Variants in PICALM observed in about 807,000 individuals in gnomAD.
PICALM encodes phosphatidylinositol binding clathrin assembly protein, also known as phosphatidylinositol-binding clathrin assembly protein.
PICALM carries 40 observed loss-of-function variants against 80.5 expected under a neutral mutation model. That is an observed-to-expected ratio of 0.50 (90% CI 0.39 to 0.65). The LOEUF (loss-of-function observed/expected upper bound fraction) is 0.65. Ranked by LOEUF, PICALM falls within the 30% of genes least tolerant of loss-of-function variation. PICALM has a pLI of 0.00. For missense variants in PICALM, 676 were observed against 778.9 expected (o/e 0.87, Z 1.57); for synonymous variants, 288 against 260.3 (o/e 1.11, Z -1.02).
At chr11:86,045,546 G>C (rs1258893320) in intron 1 of PICALM, among the ~76,000 whole-genome samples, 2 of 59,702 alleles carry the variant, frequency 3.3e-5, no homozygotes, top group Admixed American at 1.6e-4. Flanking sequence ...AAAAAAAAAA[G>C]ACTCCATATA....
chr11:86,069,227 G>A (rs956017838), upstream of PICALM: 15 of 182,358 alleles, frequency 8.2e-5, no homozygotes, highest in East Asian at 1.3e-3. Context: ...GGAAGAGCTG[G>A]GCGGCGCCCG....
At chr11:85,984,852 G>C (rs1457660934) in intron 13 of PICALM, among the ~76,000 whole-genome samples, 1 of 152,010 alleles carries the variant, frequency 6.6e-6, no homozygotes, top group Non-Finnish European at 1.5e-5. Flanking sequence ...AATGTCTAGG[G>C]GCTGAAAAGA....
intron 11 of PICALM, among the ~76,000 whole-genome samples, chr11:85,998,857 C>G (rs2095058524): frequency 1.3e-5 from 2 of 152,304 alleles, no homozygotes; most frequent in South Asian, 4.1e-4. Flanking sequence ...CGGCTGGGCT[C>G]AGGCCTTCCT....
At chr11:86,021,576 A>T (rs1310058710) in intron 4 of PICALM, among the ~76,000 whole-genome samples, 2 of 152,118 alleles carry the variant, frequency 1.3e-5, no homozygotes, top group Non-Finnish European at 2.9e-5. Flanking sequence ...AGTGCCATAC[A>T]TTGCTGGTGG....
At chr11:85,967,185 T>C (rs1051058351) in intron 19 of PICALM, among the ~76,000 whole-genome samples, 4 of 152,122 alleles carry the variant, frequency 2.6e-5, no homozygotes, top group African/African-American at 9.7e-5. Flanking sequence ...AAAGTTAAAG[T>C]TGGAGTAGAG....
Position 86,000,662 on chromosome 11 carries a change from T to G in PICALM, c.1135A>C (p.Thr379Pro). Residue 379 changes from threonine (T) to proline (P), a missense_variant, in exon 11 of 20, where the codon ACC (threonine) becomes CCC (proline). Coordinates refer to ENST00000393346, the MANE Select transcript of PICALM (RefSeq NM_007166.4). The stretch of plus-strand genomic sequence containing the variant: ...TCCTACCTGTTAGAAGAACTAGGGG[T>G]AGAAAATATGTCAATGGCTGGTGCA... ...MTAPAIDIFS[T>P]PSSSNSTSKL... is the part of the protein sequence containing the mutation. 6.2e-7 allele frequency: 1 copy of G among 1,611,998 alleles called. No individual in the cohort carries two copies. Among genetic ancestry groups the G allele is most frequent in the Non-Finnish European group, 8.5e-7 (1 of 1,179,696 alleles).
chr11:85,959,368 C>T (rs567106887), intron 19 of PICALM, among the ~76,000 whole-genome samples: 39 of 152,170 alleles, frequency 2.6e-4, no homozygotes, highest in African/African-American at 9.4e-4. Flanking sequence ...TAGCTCACAC[C>T]TGTAATCCCA....
intron 17 of PICALM, chr11:85,978,488 A>G (rs1362423825): frequency 6.5e-6 from 1 of 152,676 alleles, no homozygotes; most frequent in African/African-American, 2.4e-5. Flanking sequence ...TAAAATTCCA[A>G]TGAATTTGTG....
At chr11:86,057,837 T>G (rs879890574) in intron 1 of PICALM, among the ~76,000 whole-genome samples, 1 of 152,224 alleles carries the variant, frequency 6.6e-6, no homozygotes, top group Non-Finnish European at 1.5e-5. Flanking sequence ...ATAGGTTATA[T>G]GCAAACAATG....
intron 19 of PICALM, 85 bp from the exon 20 acceptor site, chr11:85,959,145 T>A: frequency 1.1e-6 from 1 of 899,774 alleles, no homozygotes; most frequent in Non-Finnish European, 1.8e-6. Flanking sequence ...CTTTACCATT[T>A]AACTGGCCCA....
chr11:86,067,014 T>C (rs2096456977), intron 1 of PICALM, among the ~76,000 whole-genome samples: 1 of 152,266 alleles, frequency 6.6e-6, no homozygotes, highest in African/African-American at 2.4e-5. Flanking sequence ...AAAAGCAGCC[T>C]GCATGCATAT....
intron 19 of PICALM, 66 bp from the exon 20 acceptor site, chr11:85,959,126 C>T: frequency 1.8e-6 from 2 of 1,122,122 alleles, no homozygotes; most frequent in South Asian, 2.8e-5. Flanking sequence ...AATAAAAATG[C>T]TTTGTGGTCT....
chr11:85,957,412 C>A lies in PICALM; in HGVS notation c.*1634G>T, dbSNP rs1483494326. 1.3e-5 allele frequency among the ~76,000 whole-genome samples: 2 copies of A among 152,064 alleles called. No individual in the cohort carries two copies. Among genetic ancestry groups the A allele is most frequent in the East Asian group, 3.9e-4 (2 of 5,194 alleles). ...CCAAAACATTAAACTGCGTATTTTC[C>A]CTTAAACTTACCTGACTAAAGGCAT... On this transcript the variant is annotated 3_prime_UTR_variant, in exon 20 of 20. Coordinates refer to ENST00000393346, the MANE Select transcript of PICALM (RefSeq NM_007166.4).
chr11:86,061,785 CAA>C (rs918354174), intron 1 of PICALM, among the ~76,000 whole-genome samples: 5 of 152,170 alleles, frequency 3.3e-5, no homozygotes, highest in African/African-American at 1.2e-4. Flanking sequence ...TATGTCCACA[CAA>C]AAGACACGCA....
In PICALM at chr11:86,004,952, T is replaced by A. The variant is rs537326687; in HGVS notation, c.808-1501A>T. Among the ~76,000 whole-genome samples, 20 of 152,310 alleles carry A rather than the reference T, an allele frequency of 1.3e-4. No homozygotes were observed. In the South Asian group the frequency reaches 4.1e-3, roughly 32 times the overall value. On this transcript the variant is annotated intron_variant, in intron 8 of 19. Transcript: ENST00000393346. The stretch of plus-strand genomic sequence containing the variant: ...TTGCTAATCAGCAAGCAAAGCACTG[T>A]CTTAAGAGCTTTCAGAGATGATAAG...
At chr11:85,988,502 G>A (rs558004216) in intron 13 of PICALM, among the ~76,000 whole-genome samples, 6 of 151,960 alleles carry the variant, frequency 3.9e-5, no homozygotes, top group African/African-American at 1.4e-4. Flanking sequence ...TACAGTAGAA[G>A]AAACAAGGCA....
At chr11:85,997,431 G>A (rs2095003657) in intron 11 of PICALM, among the ~76,000 whole-genome samples, 1 of 152,080 alleles carries the variant, frequency 6.6e-6, no homozygotes, top group South Asian at 2.1e-4. Flanking sequence ...TTTATGAATA[G>A]AGCCACCCCA....
chr11:86,049,469 C>T (rs1275025750), intron 1 of PICALM, among the ~76,000 whole-genome samples: 1 of 152,160 alleles, frequency 6.6e-6, no homozygotes, highest in African/African-American at 2.4e-5. Flanking sequence ...TATCTCAAAA[C>T]CAGACAAATT....
At chr11:85,981,062 C>T (rs1237510726) in intron 17 of PICALM, 67 bp downstream of exon 17, 5 of 793,750 alleles carry the variant, frequency 6.3e-6, no homozygotes, top group Non-Finnish European at 1.1e-5. Flanking sequence ...ACTTTAAAAA[C>T]ATTTTCATGT....
Sources: gnomAD v4.1 joint callset for allele counts (sites outside exome capture counted in the v4.1 genomes callset) on GRCh38, gnomAD v4.1.1 for gene constraint, MANE v1.5 for transcripts, NCBI Gene and HGNC (gene_info 2026-07-23, HGNC 2026-07-21) for gene names.